Variants in VGLL4 observed in about 807,000 individuals in gnomAD.
VGLL4 encodes transcription cofactor vestigial-like protein 4.
In VGLL4, 7 loss-of-function variants were observed where a neutral mutation model predicts 21.0. The observed-to-expected ratio is 0.33, with a 90% CI of 0.19 to 0.63. The LOEUF is 0.63. Ranked by LOEUF, VGLL4 falls within the 20% of genes least tolerant of loss-of-function variation. VGLL4 has a pLI of 0.78. For missense variants in VGLL4, 394 were observed against 425.7 expected (o/e 0.93, Z 0.66); for synonymous variants, 222 against 173.2 (o/e 1.28, Z -2.21).
chr3:11,641,836 G>T (rs879513037), intron 1 of VGLL4, among the ~76,000 whole-genome samples: 4 of 152,100 alleles, frequency 2.6e-5, no homozygotes, highest in Non-Finnish European at 4.4e-5. Context: ...CTCGCTGTCC[G>T]TAAGTTGGTC....
intron 1 of VGLL4, among the ~76,000 whole-genome samples, chr3:11,628,914 T>C (rs1051775120): frequency 6.6e-6 from 1 of 152,210 alleles, no homozygotes; most frequent in Non-Finnish European, 1.5e-5. Flanking sequence ...GCCAAAGATT[T>C]TGGGGAAAGC....
At position 11,568,211 on chromosome 3, in the gene VGLL4, CGTG is replaced by C. The variant is rs1489980974; in HGVS notation, c.273-3195_273-3193del. 6.6e-6 allele frequency among the ~76,000 whole-genome samples: 1 copy of C among 152,210 alleles called. No individual in the cohort carries two copies. Among genetic ancestry groups the C allele is most frequent in the Non-Finnish European group, 1.5e-5 (1 of 68,034 alleles). ...GTCTGCCCATGTCCAAAGCCAAAGT[CGTG>C]GTACATAAGGCACTGCCCACCCCTC... On this transcript the variant is annotated intron_variant, in intron 2 of 4. Coordinates refer to ENST00000430365, the MANE Select transcript of VGLL4 (RefSeq NM_001128219.3). This position sits in a 1 kb window ranked among gnomAD's most constrained non-coding sequence, Gnocchi z 5.9.
At chr3:11,574,433 C>A in intron 2 of VGLL4, among the ~76,000 whole-genome samples, 1 of 152,060 alleles carries the variant, frequency 6.6e-6, no homozygotes, top group Non-Finnish European at 1.5e-5. Context: ...CAGAGCTGGG[C>A]AGGCCAAGTC....
chr3:11,567,668 G>A (rs182682039), intron 2 of VGLL4, among the ~76,000 whole-genome samples: 2 of 152,282 alleles, frequency 1.3e-5, no homozygotes, highest in Non-Finnish European at 2.9e-5. Context: ...CCCAGACACC[G>A]ATGTCACCAG....
At chr3:11,617,906 C>T (rs1431942150) in intron 1 of VGLL4, among the ~76,000 whole-genome samples, 1 of 152,150 alleles carries the variant, frequency 6.6e-6, no homozygotes, top group African/African-American at 2.4e-5. Flanking sequence ...AATAAGATTC[C>T]ATTTTTATTC....
At chr3:11,664,455 G>A (rs771568025) in intron 2 of VGLL4, among the ~76,000 whole-genome samples, 29 of 152,162 alleles carry the variant, frequency 1.9e-4, no homozygotes, top group Non-Finnish European at 3.8e-4. Context: ...GCTTTCTGAA[G>A]CTCAGCATGC....
intron 1 of VGLL4, among the ~76,000 whole-genome samples, chr3:11,714,731 G>A (rs1166673394): frequency 6.6e-6 from 1 of 152,096 alleles, no homozygotes; most frequent in East Asian, 1.9e-4. Context: ...GCTTGCTCTT[G>A]CATTTATTTG....
At chr3:11,666,597 C>T (rs1308549897) in intron 2 of VGLL4, among the ~76,000 whole-genome samples, 1 of 152,158 alleles carries the variant, frequency 6.6e-6, no homozygotes, top group East Asian at 1.9e-4. Flanking sequence ...TGCTAGCAGA[C>T]AGTTTGAGAT....
At chr3:11,630,962 C>T (rs965036744) in intron 1 of VGLL4, among the ~76,000 whole-genome samples, 2 of 152,138 alleles carry the variant, frequency 1.3e-5, no homozygotes, top group African/African-American at 4.8e-5. Flanking sequence ...CAAGTTCATT[C>T]ATTATAGTTG....
intron 1 of VGLL4, among the ~76,000 whole-genome samples, chr3:11,622,263 G>T (rs2075277653): frequency 6.6e-6 from 1 of 152,122 alleles, no homozygotes; most frequent in African/African-American, 2.4e-5. Flanking sequence ...TGATAAGCCA[G>T]CCTATGCTGA....
chr3:11,575,544 A>G (rs1297337805), intron 2 of VGLL4, among the ~76,000 whole-genome samples: 1 of 152,220 alleles, frequency 6.6e-6, no homozygotes, highest in Non-Finnish European at 1.5e-5. Flanking sequence ...AGATCTGTGC[A>G]AGGGACGGAA....
rs369952433 is a variant in VGLL4 at position 11,629,034 on chromosome 3, G to T, written c.82+14403C>A. Among the ~76,000 whole-genome samples, 5 of 152,292 alleles carry T rather than the reference G, an allele frequency of 3.3e-5. No homozygotes were observed. In the South Asian group the frequency reaches 8.3e-4, roughly 25 times the overall value. On this transcript the variant is annotated intron_variant, in intron 1 of 4. Transcript: ENST00000430365. ...ACAGAGAGGTGTTTGCATAAATGAT[G>T]CCATAGCTATAGGAAAAATAAGTAG...
intron 1 of VGLL4, among the ~76,000 whole-genome samples, chr3:11,629,176 T>C (rs1239274361): frequency 6.6e-6 from 1 of 152,236 alleles, no homozygotes; most frequent in Non-Finnish European, 1.5e-5. Flanking sequence ...TGTTAAATTA[T>C]ATACACTCAG....
chr3:11,580,043 C>T (rs1266099987), intron 2 of VGLL4, among the ~76,000 whole-genome samples: 1 of 152,158 alleles, frequency 6.6e-6, no homozygotes, highest in African/African-American at 2.4e-5. Flanking sequence ...TGGTAAAGTA[C>T]TACATACATA....
At chr3:11,573,376 A>G (rs973844250) in intron 2 of VGLL4, among the ~76,000 whole-genome samples, 14 of 146,428 alleles carry the variant, frequency 9.6e-5, no homozygotes, top group East Asian at 2.1e-4. Flanking sequence ...AGAAAGAAAG[A>G]AAGAAAGAAA....
At chr3:11,598,340 A>C (rs1437044547) in intron 2 of VGLL4, among the ~76,000 whole-genome samples, 3 of 151,896 alleles carry the variant, frequency 2.0e-5, no homozygotes, top group African/African-American at 7.3e-5. Context: ...GCTGCTTCTT[A>C]CTCTGGCTCA....
At position 11,565,395 on chromosome 3, in the gene VGLL4, G is replaced by A. The variant is rs1195992548; in HGVS notation, c.273-376C>T. On this transcript the variant is annotated intron_variant, in intron 2 of 4. Transcript: ENST00000430365. This position sits in a 1 kb window ranked among gnomAD's most constrained non-coding sequence, Gnocchi z 4.1. ...TGGACAGGACGGGGACGCTGACAAC[G>A]ATCCAGAGTCACTGGCTGCGTCCTA... Among the ~76,000 whole-genome samples, 4 of 152,126 alleles carry A rather than the reference G, an allele frequency of 2.6e-5. No homozygotes were observed. Among genetic ancestry groups the A allele is most frequent in the Non-Finnish European group, 4.4e-5 (3 of 68,022 alleles).
chr3:11,570,597 A>G (rs2099762335), intron 2 of VGLL4, among the ~76,000 whole-genome samples: 1 of 152,234 alleles, frequency 6.6e-6, no homozygotes, highest in African/African-American at 2.4e-5. Flanking sequence ...AGGTACACAT[A>G]GTATGTGTGA....
intron 2 of VGLL4, among the ~76,000 whole-genome samples, chr3:11,575,006 G>A (rs563954256): frequency 2.6e-5 from 4 of 152,122 alleles, no homozygotes; most frequent in South Asian, 2.1e-4. Flanking sequence ...GAATAAAGCC[G>A]CAGATCTTTT....
Sources: gnomAD v4.1 joint callset for allele counts (sites outside exome capture counted in the v4.1 genomes callset) on GRCh38, gnomAD v4.1.1 for gene constraint, Gnocchi (gnomAD v3.1) non-coding constraint, MANE v1.5 for transcripts, NCBI Gene and HGNC (gene_info 2026-07-23, HGNC 2026-07-21) for gene names.